Variants in TRPM3 observed in about 807,000 individuals in gnomAD.
TRPM3 encodes transient receptor potential cation channel subfamily M member 3.
Under a neutral mutation model 181.2 loss-of-function variants are expected in TRPM3, and 77 were observed. That is an observed-to-expected ratio of 0.42 (90% CI 0.35 to 0.51). The LOEUF (loss-of-function observed/expected upper bound fraction) is 0.51, where lower values mean the gene tolerates loss of function less well. Among genes scored for constraint, TRPM3 ranks in the 20% least tolerant of loss-of-function variants. The pLI is 0.01. For missense variants in TRPM3, 1,759 were observed against 2,196.7 expected (o/e 0.80, Z 3.98); for synonymous variants, 745 against 796.4 (o/e 0.94, Z 1.09).
intron 1 of TRPM3, among the ~76,000 whole-genome samples, chr9:70,926,704 T>C (rs1204909555): frequency 1.3e-5 from 2 of 152,222 alleles, no homozygotes; most frequent in Non-Finnish European, 2.9e-5. Flanking sequence ...GAGATTTGTT[T>C]TAATTATTTA....
chr9:70,758,544 CA>C (rs2077497927), intron 8 of TRPM3, among the ~76,000 whole-genome samples: 1 of 152,098 alleles, frequency 6.6e-6, no homozygotes, highest in African/African-American at 2.4e-5. Context: ...GCAAAAAGAA[CA>C]AAGCTGGAGG....
intron 1 of TRPM3, among the ~76,000 whole-genome samples, chr9:71,394,384 C>A (rs1375669485): frequency 6.6e-6 from 1 of 152,066 alleles, no homozygotes; most frequent in Admixed American, 6.6e-5. Flanking sequence ...TTTTTAGTTT[C>A]TTTTTCCAAA....
At chr9:70,986,138 T>A (rs1291847928) in intron 1 of TRPM3, among the ~76,000 whole-genome samples, 1 of 152,094 alleles carries the variant, frequency 6.6e-6, no homozygotes, top group Non-Finnish European at 1.5e-5. Context: ...GGCAGGAGGA[T>A]CCCTTGAGGC....
chr9:70,686,520 G>A (rs2066808818), intron 8 of TRPM3, among the ~76,000 whole-genome samples: 1 of 151,820 alleles, frequency 6.6e-6, no homozygotes, highest in Non-Finnish European at 1.5e-5. Context: ...GATCCTGTAT[G>A]GTAACTGAAA....
intron 6 of TRPM3, among the ~76,000 whole-genome samples, chr9:70,784,749 A>AT (rs755454332): frequency 4.6e-5 from 7 of 152,182 alleles, no homozygotes; most frequent in Non-Finnish European, 8.8e-5. Flanking sequence ...AAATCCCTAC[A>AT]TGGCTCTTTT....
chr9:71,214,168 G>A (rs944078586), intron 1 of TRPM3, among the ~76,000 whole-genome samples: 1 of 152,020 alleles, frequency 6.6e-6, no homozygotes, highest in Admixed American at 6.6e-5. Context: ...AATAAACAAG[G>A]TCTGCCTCAA....
intron 12 of TRPM3, among the ~76,000 whole-genome samples, chr9:70,631,345 A>C (rs1267345266): frequency 6.7e-6 from 1 of 150,200 alleles, no homozygotes; most frequent in Non-Finnish European, 1.5e-5. Context: ...CCTTACCCAA[A>C]GTGTGTCTGA....
intron 1 of TRPM3, among the ~76,000 whole-genome samples, chr9:71,438,882 G>T (rs1365455605): frequency 1.3e-5 from 2 of 152,158 alleles, no homozygotes; most frequent in Admixed American, 6.5e-5. Context: ...TTTTGTATAT[G>T]TTTGTAATAT....
At chr9:70,676,027 G>A (rs539193045) in intron 9 of TRPM3, among the ~76,000 whole-genome samples, 1 of 152,110 alleles carries the variant, frequency 6.6e-6, no homozygotes, top group Non-Finnish European at 1.5e-5. Flanking sequence ...AAACCACATT[G>A]TTCCTGCTGT....
chr9:70,696,141 C>G (rs2070334361), intron 8 of TRPM3, among the ~76,000 whole-genome samples: 1 of 152,208 alleles, frequency 6.6e-6, no homozygotes, highest in Admixed American at 6.5e-5. Flanking sequence ...ATCCCCTTAA[C>G]CCAGTAGTAT....
chr9:71,121,582 A>C lies in TRPM3; in HGVS notation c.-228T>G. ...TGAAGAAGAGGGACAGCCTGCACAA[A>C]ACAGCCTGTGGTCGGAGTCAAAGCA... On this transcript the variant is annotated 5_prime_UTR_variant, in exon 1 of 26. Transcript: ENST00000677713. 7.6e-7 allele frequency: 1 copy of C among 1,312,436 alleles called. No homozygotes were observed. Among genetic ancestry groups the C allele is most frequent in the Non-Finnish European group, 9.7e-7 (1 of 1,031,840 alleles). 81.3% of individuals were successfully genotyped at this position (1,312,436 alleles called of 1,614,324 possible).
At chr9:71,091,228 G>T (rs1009059616) in intron 1 of TRPM3, among the ~76,000 whole-genome samples, 3 of 152,108 alleles carry the variant, frequency 2.0e-5, no homozygotes, top group Non-Finnish European at 4.4e-5. Context: ...TATTGATTAT[G>T]TTAAAGGATA....
chr9:70,794,205 G>A (rs957638095), intron 6 of TRPM3, among the ~76,000 whole-genome samples: 4 of 152,070 alleles, frequency 2.6e-5, no homozygotes, highest in South Asian at 2.1e-4. Context: ...ACTCATGATC[G>A]TGTGGGAAGA....
chr9:70,992,747 G>A (rs748434465), intron 1 of TRPM3, among the ~76,000 whole-genome samples: 2 of 152,190 alleles, frequency 1.3e-5, no homozygotes, highest in Non-Finnish European at 2.9e-5. Flanking sequence ...ATTCTAGAGG[G>A]TGTGTGGTAG....
chr9:71,201,231 G>T (rs1010051748), intron 1 of TRPM3, among the ~76,000 whole-genome samples: 1 of 151,918 alleles, frequency 6.6e-6, no homozygotes, highest in Admixed American at 6.6e-5. Flanking sequence ...TAGAGTTTCT[G>T]CTGAGACATC....
chr9:71,173,790 T>G (rs1216670910), intron 1 of TRPM3, among the ~76,000 whole-genome samples: 1 of 152,228 alleles, frequency 6.6e-6, no homozygotes, highest in African/African-American at 2.4e-5. Flanking sequence ...TTAATTTGTT[T>G]TTAGATTTAT....
At chr9:71,066,515 G>A (rs529168553) in intron 1 of TRPM3, among the ~76,000 whole-genome samples, 14 of 152,278 alleles carry the variant, frequency 9.2e-5, no homozygotes, top group East Asian at 3.9e-4. Context: ...GAATGGGGTC[G>A]TGGCAGATAG....
chr9:71,322,929 T>C (rs1235998929), intron 1 of TRPM3, among the ~76,000 whole-genome samples: 1 of 152,200 alleles, frequency 6.6e-6, no homozygotes, highest in Non-Finnish European at 1.5e-5. Flanking sequence ...ATAGTTCAGC[T>C]ATTAAGTGTA....
At chr9:71,325,780 AC>A (rs2089640195) in intron 1 of TRPM3, among the ~76,000 whole-genome samples, 1 of 152,090 alleles carries the variant, frequency 6.6e-6, no homozygotes, top group African/African-American at 2.4e-5. Context: ...ACACAAAGTG[AC>A]GAAGGCTCTG....
Sources: allele counts gnomAD v4.1 joint callset (sites outside exome capture counted in the v4.1 genomes callset), GRCh38; gene constraint gnomAD v4.1.1; transcripts MANE v1.5; gene names NCBI Gene and HGNC (gene_info 2026-07-23, HGNC 2026-07-21).